The following AGBL1 variants were observed in gnomAD, a reference collection of about 807,000 sequenced individuals.
AGBL1 encodes AGBL carboxypeptidase 1.
Under a neutral mutation model 118.9 loss-of-function variants are expected in AGBL1, and 130 were observed. That is an observed-to-expected ratio of 1.09 (90% confidence interval 0.95 to 1.26). The LOEUF is 1.26. Among genes scored for constraint, AGBL1 ranks in the 50% most tolerant of loss-of-function variants. AGBL1 has a pLI of 0.00. For missense variants in AGBL1, 1,584 were observed against 1,298.1 expected (o/e 1.22, Z -3.38); for synonymous variants, 555 against 478.9 (o/e 1.16, Z -2.08).
intron 15 of AGBL1, among the ~76,000 whole-genome samples, chr15:86,277,736 G>A (rs957349853): frequency 6.6e-6 from 1 of 152,152 alleles, no homozygotes; most frequent in African/African-American, 2.4e-5. Context: ...TTATTTTTGA[G>A]TCAAGATACA....
intron 18 of AGBL1, among the ~76,000 whole-genome samples, chr15:86,461,086 G>T (rs1211873100): frequency 6.6e-6 from 1 of 152,140 alleles, no homozygotes; most frequent in Non-Finnish European, 1.5e-5. Flanking sequence ...CCTTGGCTCA[G>T]CTCCTCAGGG....
chr15:86,740,892 G>A (rs1021681374), intron 22 of AGBL1, among the ~76,000 whole-genome samples: 22 of 152,088 alleles, frequency 1.4e-4, no homozygotes, highest in Non-Finnish European at 2.2e-4. Flanking sequence ...CTGGAATGCC[G>A]CAGGATCCAG....
chr15:86,768,605 T>C (rs923193976), intron 22 of AGBL1, among the ~76,000 whole-genome samples: 1 of 151,976 alleles, frequency 6.6e-6, no homozygotes, highest in Non-Finnish European at 1.5e-5. Flanking sequence ...TTCAGCAACG[T>C]AGGGAAGCCT....
chr15:86,830,011 T>A (rs146414401), intron 22 of AGBL1, among the ~76,000 whole-genome samples: 35 of 152,270 alleles, frequency 2.3e-4, no homozygotes, highest in South Asian at 8.3e-4. Flanking sequence ...TGAGAATGAT[T>A]TAATACCGTA....
At chr15:86,589,866 A>G (rs1481326834) in intron 21 of AGBL1, among the ~76,000 whole-genome samples, 1 of 152,100 alleles carries the variant, frequency 6.6e-6, no homozygotes, top group Non-Finnish European at 1.5e-5. Context: ...CTTTTAGTGT[A>G]TATTTCTGTA....
chr15:86,082,416 G>A (rs1372875573), intron 1 of AGBL1, among the ~76,000 whole-genome samples: 1 of 152,216 alleles, frequency 6.6e-6, no homozygotes, highest in Non-Finnish European at 1.5e-5. Context: ...GGGGAAAGCA[G>A]TGAATAAGTT....
intron 22 of AGBL1, among the ~76,000 whole-genome samples, chr15:86,812,978 G>A (rs1466948873): frequency 6.6e-6 from 1 of 152,124 alleles, no homozygotes; most frequent in East Asian, 1.9e-4. Flanking sequence ...CTTTACAGGT[G>A]AGGAAATTTC....
At chr15:86,382,032 G>A (rs563397572) in intron 17 of AGBL1, among the ~76,000 whole-genome samples, 28 of 152,316 alleles carry the variant, frequency 1.8e-4, no homozygotes, top group African/African-American at 6.5e-4. Flanking sequence ...CGCTCTGGGT[G>A]CCAGGTACCT....
chr15:86,614,192 T>G (rs556460433), intron 21 of AGBL1, among the ~76,000 whole-genome samples: 1 of 152,332 alleles, frequency 6.6e-6, no homozygotes, highest in Admixed American at 6.5e-5. Context: ...TCGAGCTCTA[T>G]GTATTAAACT....
At chr15:86,986,757 C>T (rs56789610) in intron 23 of AGBL1, among the ~76,000 whole-genome samples, 16,343 of 152,008 alleles carry the variant, frequency 0.11, 1,010 homozygotes, top group East Asian at 0.14. Flanking sequence ...AAATCTTGTA[C>T]CTGCTTTGTT....
intron 23 of AGBL1, among the ~76,000 whole-genome samples, chr15:86,983,159 G>A (rs1265546219): frequency 6.6e-6 from 1 of 151,682 alleles, no homozygotes; most frequent in Non-Finnish European, 1.5e-5. Flanking sequence ...CCTTCTTTTT[G>A]AATGTATATT....
chr15:86,582,763 A>C (rs2084188140), intron 21 of AGBL1, among the ~76,000 whole-genome samples: 1 of 151,944 alleles, frequency 6.6e-6, no homozygotes, highest in African/African-American at 2.4e-5. Flanking sequence ...TCGCAAGGAC[A>C]AAAAACCAAA....
intron 22 of AGBL1, among the ~76,000 whole-genome samples, chr15:86,753,475 G>A (rs2077886661): frequency 7.2e-6 from 1 of 139,518 alleles, no homozygotes; most frequent in South Asian, 2.2e-4. Context: ...TTGACTCACT[G>A]CAACTTTTGC....
At chr15:86,804,061 A>AC (rs2078686723) in intron 22 of AGBL1, among the ~76,000 whole-genome samples, 1 of 152,094 alleles carries the variant, frequency 6.6e-6, no homozygotes, top group Admixed American at 6.6e-5. Flanking sequence ...AAAAAAACCA[A>AC]CCCCTAAGAA....
intron 16 of AGBL1, among the ~76,000 whole-genome samples, chr15:86,287,237 T>C (rs1597683608): frequency 6.6e-6 from 1 of 152,336 alleles, no homozygotes; most frequent in East Asian, 1.9e-4. Context: ...GTGTTCCTTG[T>C]ATATTTTAGA....
intron 9 of AGBL1, among the ~76,000 whole-genome samples, chr15:86,259,704 G>A (rs1281929303): frequency 1.3e-5 from 2 of 152,228 alleles, no homozygotes; most frequent in Non-Finnish European, 2.9e-5. Context: ...CTTTGCTGTG[G>A]CTTGATGGTG....
At chr15:86,082,148 G>C (rs1330086713) in intron 1 of AGBL1, among the ~76,000 whole-genome samples, 1 of 152,210 alleles carries the variant, frequency 6.6e-6, no homozygotes. Flanking sequence ...GTAGAAGTCA[G>C]AACTCTGAAA....
chr15:86,527,426 C>G (rs1381736090), intron 19 of AGBL1, among the ~76,000 whole-genome samples: 1 of 152,212 alleles, frequency 6.6e-6, no homozygotes, highest in African/African-American at 2.4e-5. Context: ...CTGGGACCAT[C>G]TGAGAGGTGG....
intron 21 of AGBL1, among the ~76,000 whole-genome samples, chr15:86,588,027 A>AT (rs2084279119): frequency 6.6e-6 from 1 of 152,158 alleles, no homozygotes; most frequent in Admixed American, 6.6e-5. Flanking sequence ...AATAACTAAC[A>AT]TATCTGCTGG....
Sources: gnomAD v4.1 joint callset for allele counts (sites outside exome capture counted in the v4.1 genomes callset) on GRCh38, gnomAD v4.1.1 for gene constraint, MANE v1.5 for transcripts, NCBI Gene and HGNC (gene_info 2026-07-23, HGNC 2026-07-21) for gene names.